The following PRKAG2 variants were observed in gnomAD, a reference collection of about 807,000 sequenced individuals.
The protein encoded by PRKAG2 is 5'-AMP-activated protein kinase subunit gamma-2.
In PRKAG2, 26 loss-of-function variants were observed where a neutral mutation model predicts 69.6. The ratio of observed to expected loss-of-function variants is 0.37; its 90% confidence interval spans 0.27 to 0.52. The LOEUF is 0.52. Ranked by LOEUF, PRKAG2 falls within the 20% of genes least tolerant of loss-of-function variation. PRKAG2 has a pLI of 0.90. For missense variants in PRKAG2, 557 were observed against 740.0 expected (o/e 0.75, Z 2.87); for synonymous variants, 293 against 285.0 (o/e 1.03, Z -0.28).
intron 10 of PRKAG2, among the ~76,000 whole-genome samples, chr7:151,569,107 G>T (rs900919758): frequency 2.6e-5 from 4 of 152,066 alleles, no homozygotes; most frequent in Non-Finnish European, 5.9e-5. Context: ...TTGCTCTGTT[G>T]CCTGCCGTCA....
chr7:151,679,812 C>G (rs574054555), intron 3 of PRKAG2, among the ~76,000 whole-genome samples: 14 of 152,086 alleles, frequency 9.2e-5, no homozygotes, highest in Non-Finnish European at 1.9e-4. Flanking sequence ...TGCCTGTAGC[C>G]CCGGCACTTT....
chr7:151,564,304 C>G (rs1450432811), intron 13 of PRKAG2, 80 bp from the exon 14 acceptor site: 12 of 1,504,482 alleles, frequency 8.0e-6, no homozygotes, highest in Non-Finnish European at 1.1e-5. Context: ...CTTAAGAGAG[C>G]CTGATTTCTA....
intron 5 of PRKAG2, among the ~76,000 whole-genome samples, chr7:151,616,032 G>A (rs1820054086): frequency 6.6e-6 from 1 of 152,198 alleles, no homozygotes; most frequent in South Asian, 2.1e-4. Flanking sequence ...GTAGTTGTGG[G>A]GCCCTGACTT....
intron 13 of PRKAG2, among the ~76,000 whole-genome samples, chr7:151,564,777 C>A (rs1448634151): frequency 5.3e-5 from 8 of 151,164 alleles, no homozygotes. Flanking sequence ...TCCCACTCAA[C>A]CAAAATGCCG....
intron 5 of PRKAG2, among the ~76,000 whole-genome samples, chr7:151,631,484 G>A (rs1585361699): frequency 6.6e-6 from 1 of 152,016 alleles, no homozygotes; most frequent in East Asian, 1.9e-4. Flanking sequence ...TAAGATACAA[G>A]AAGAAGACAG....
chr7:151,812,784 T>C (rs952422602), intron 1 of PRKAG2, among the ~76,000 whole-genome samples: 6 of 152,198 alleles, frequency 3.9e-5, no homozygotes, highest in African/African-American at 1.4e-4. Context: ...GCAGGACACC[T>C]GGCTTCTCTT....
At chr7:151,762,405 A>G (rs546950012) in intron 3 of PRKAG2, among the ~76,000 whole-genome samples, 4 of 152,306 alleles carry the variant, frequency 2.6e-5, no homozygotes, top group African/African-American at 9.6e-5. Flanking sequence ...CGTATACGTA[A>G]GCTTAAGGAG....
chr7:151,677,550 T>C (rs1480846504), intron 3 of PRKAG2, among the ~76,000 whole-genome samples: 1 of 152,270 alleles, frequency 6.6e-6, no homozygotes, highest in East Asian at 1.9e-4. Flanking sequence ...ATTTGAATTA[T>C]GCAAGTCAAA....
intron 4 of PRKAG2, among the ~76,000 whole-genome samples, chr7:151,650,788 A>T (rs1828369940): frequency 6.6e-6 from 1 of 152,222 alleles, no homozygotes; most frequent in African/African-American, 2.4e-5. Context: ...AAGGTCTTTG[A>T]TAATGCCATA....
chr7:151,560,724 C>G, intron 14 of PRKAG2, 107 bp from the exon 15 acceptor site: 2 of 1,410,164 alleles, frequency 1.4e-6, no homozygotes, highest in Admixed American at 1.9e-5. Context: ...ACACATCCCT[C>G]CAGCCTGGGG....
intron 3 of PRKAG2, among the ~76,000 whole-genome samples, chr7:151,731,562 C>T (rs369403165): frequency 6.6e-6 from 1 of 151,314 alleles, no homozygotes; most frequent in East Asian, 1.9e-4. Flanking sequence ...CATGTGTGTG[C>T]GAGTGTGTAT....
intron 4 of PRKAG2, among the ~76,000 whole-genome samples, chr7:151,648,956 T>C (rs1828012234): frequency 6.6e-6 from 1 of 151,684 alleles, no homozygotes; most frequent in African/African-American, 2.4e-5. Flanking sequence ...AGAAATAGAG[T>C]GTACATCTTC....
rs1287605148 is a variant in PRKAG2, at chr7:151,814,915, G to GT, written c.115-28375_115-28374insA. On this transcript the variant is annotated intron_variant, in intron 1 of 15. Transcript: ENST00000287878. This position sits in a 1 kb window ranked among gnomAD's most constrained non-coding sequence, Gnocchi z 4.8. ...CAGCAGGAGGGAGGGCTGGACCGGA[G>GT]CTTTTAAAAAGACAGGCAGCAGGAT... The GT allele has an allele frequency of 2.8e-5, 34 of 1,222,246 alleles. No individual in the cohort carries two copies. Among genetic ancestry groups the GT allele is most frequent in the Non-Finnish European group, 3.2e-5 (31 of 979,862 alleles). 75.7% of individuals were successfully genotyped at this position (1,222,246 alleles called of 1,614,324 possible). A position where few individuals can be genotyped will look rare whatever the true frequency, so the allele number is the denominator to read the frequency against.
At chr7:151,715,017 ATTTTT>A (rs111586277) in intron 3 of PRKAG2, among the ~76,000 whole-genome samples, 6 of 142,894 alleles carry the variant, frequency 4.2e-5, no homozygotes, top group Admixed American at 6.9e-5. Context: ...ATTAAAAGCA[ATTTTT>A]TTTTTTTTTT....
chr7:151,732,818 G>A (rs111235981), intron 3 of PRKAG2, among the ~76,000 whole-genome samples: 3,932 of 152,076 alleles, frequency 0.026, 151 homozygotes, highest in African/African-American at 0.089. Flanking sequence ...TCAGCCTCCC[G>A]AGCAGCTGGG....
At chr7:151,678,294 C>T (rs1833280072) in intron 3 of PRKAG2, among the ~76,000 whole-genome samples, 1 of 152,202 alleles carries the variant, frequency 6.6e-6, no homozygotes, top group African/African-American at 2.4e-5. Context: ...GGTCCTGCCA[C>T]TCCCTCTGGG....
chr7:151,834,344 G>A (rs925702982), intron 1 of PRKAG2, among the ~76,000 whole-genome samples: 17 of 152,170 alleles, frequency 1.1e-4, no homozygotes, highest in Non-Finnish European at 1.9e-4. Flanking sequence ...GGTGATTCCC[G>A]TTACTCAAGG....
intron 1 of PRKAG2, among the ~76,000 whole-genome samples, chr7:151,830,062 G>C (rs1011771330): frequency 6.6e-6 from 1 of 151,532 alleles, no homozygotes; most frequent in Non-Finnish European, 1.5e-5. Context: ...TTTCATTCTA[G>C]ATGGAGAAAT....
At chr7:151,570,104 T>C (rs1471671252) in intron 10 of PRKAG2, 67 bp downstream of exon 10, 1 of 1,531,610 alleles carries the variant, frequency 6.5e-7, no homozygotes, top group Non-Finnish European at 8.9e-7. Flanking sequence ...GTGTCTTTCT[T>C]TCTATCATGG....
Sources: gnomAD v4.1 joint callset for allele counts (sites outside exome capture counted in the v4.1 genomes callset) on GRCh38, gnomAD v4.1.1 for gene constraint, Gnocchi (gnomAD v3.1) non-coding constraint, MANE v1.5 for transcripts, NCBI Gene and HGNC (gene_info 2026-07-23, HGNC 2026-07-21) for gene names.